UGT1A8: variants seen among roughly 807,000 people sequenced by gnomAD.
The protein encoded by UGT1A8 is UDP glucuronosyltransferase family 1 member A8.
A neutral mutation model predicts 45.3 loss-of-function variants in UGT1A8; 39 were observed. That is an observed-to-expected ratio of 0.86 (90% CI 0.67 to 1.12). UGT1A8 has a LOEUF of 1.12. Ranked by LOEUF, UGT1A8 falls within the 50% of genes most tolerant of loss-of-function variation. The probability of loss-of-function intolerance (pLI) is 0.00; values close to 1 mark genes in which losing one functional copy is unlikely to be tolerated. For missense variants in UGT1A8, 719 were observed against 664.9 expected (o/e 1.08, Z -0.90); for synonymous variants, 275 against 249.2 (o/e 1.10, Z -0.97).
chr2:233,740,931 T>C (rs1341633178), intron 1 of UGT1A8: 1 of 151,798 alleles, frequency 6.6e-6, no homozygotes, highest in Non-Finnish European at 1.5e-5. Context: ...CAAAAAGTTT[T>C]TTTTTTAATT....
rs148393670 is a variant in UGT1A8, at chr2:233,632,219, G to A, written c.855+13657G>A. On this transcript the variant is annotated intron_variant, in intron 1 of 4. Transcript: ENST00000373450. ...ATATCTGTTTGGGTACAAGTACCAT[G>A]CTGTTTTTGTTACTGTAGCCTTGTA... Among the ~76,000 whole-genome samples, 52 of 152,336 alleles carry A rather than the reference G, an allele frequency of 3.4e-4. No individual in the cohort carries two copies. In the East Asian group the frequency reaches 0.01, roughly 29 times the overall value.
chr2:233,752,761 A>G (rs1341964292), intron 1 of UGT1A8, among the ~76,000 whole-genome samples: 3 of 152,266 alleles, frequency 2.0e-5, no homozygotes, highest in African/African-American at 7.2e-5. Context: ...AAACAAACAA[A>G]CAAACAAACA....
intron 1 of UGT1A8, among the ~76,000 whole-genome samples, chr2:233,674,621 G>C (rs775720901): frequency 6.7e-6 from 1 of 149,430 alleles, no homozygotes; most frequent in African/African-American, 2.4e-5. Context: ...AACTATATAT[G>C]GTTTCATTTA....
intron 1 of UGT1A8, among the ~76,000 whole-genome samples, chr2:233,633,413 G>T (rs57185673): frequency 0.011 from 1,729 of 152,288 alleles, 43 homozygotes; most frequent in African/African-American, 0.039. Flanking sequence ...ACCTCTGGTA[G>T]AGTTCGGCTG....
chr2:233,660,737 G>A (rs973947074), intron 1 of UGT1A8, among the ~76,000 whole-genome samples: 1 of 152,044 alleles, frequency 6.6e-6, no homozygotes, highest in Non-Finnish European at 1.5e-5. Flanking sequence ...AATGTCTTTT[G>A]TGGCATTTTT....
rs750446316 is a variant in UGT1A8, at chr2:233,729,731, C to T, written c.856-37303C>T. On this transcript the variant is annotated intron_variant, in intron 1 of 4. Coordinates refer to ENST00000373450, the MANE Select transcript of UGT1A8 (RefSeq NM_019076.5). ...ATTCCTAGATTACTAACAACCAATT[C>T]AGACCACATGACATTCATGCAAAGG... The T allele has an allele frequency of 2.3e-5, 37 of 1,613,888 alleles. No homozygotes were observed. The Middle Eastern group carries it at 1.3e-3, about 57-fold the overall frequency.
chr2:233,645,711 A>G (rs1426232289), intron 1 of UGT1A8, among the ~76,000 whole-genome samples: 1 of 152,196 alleles, frequency 6.6e-6, no homozygotes, highest in African/African-American at 2.4e-5. Flanking sequence ...GTGAGTTCCC[A>G]TGGTCTTAGG....
intron 1 of UGT1A8, among the ~76,000 whole-genome samples, chr2:233,651,570 G>T (rs968728508): frequency 2.6e-5 from 4 of 152,260 alleles, no homozygotes; most frequent in Non-Finnish European, 4.4e-5. Flanking sequence ...ATCAAAGAGT[G>T]CCCTTTGACA....
chr2:233,763,382 T>G (rs1698295022), intron 1 of UGT1A8, among the ~76,000 whole-genome samples: 1 of 152,252 alleles, frequency 6.6e-6, no homozygotes, highest in South Asian at 2.1e-4. Context: ...GCTTTCTTCC[T>G]TTTTAAACAA....
intron 1 of UGT1A8, among the ~76,000 whole-genome samples, chr2:233,676,354 T>C (rs2074356881): frequency 6.6e-6 from 1 of 152,182 alleles, no homozygotes; most frequent in African/African-American, 2.4e-5. Context: ...AGAATAAATA[T>C]AGGATTATAG....
chr2:233,690,583 C>T, intron 1 of UGT1A8: 2 of 1,283,576 alleles, frequency 1.6e-6, no homozygotes, highest in Non-Finnish European at 2.0e-6. Context: ...TGCAGCAATC[C>T]CTGAGAAAAA....
At chr2:233,731,174 T>A (rs1363213399) in intron 1 of UGT1A8, among the ~76,000 whole-genome samples, 2 of 152,202 alleles carry the variant, frequency 1.3e-5, no homozygotes, top group Admixed American at 6.5e-5. Context: ...ATGATTTTTT[T>A]ATGCAATGTA....
At chr2:233,677,255 T>A (rs2074385257) in intron 1 of UGT1A8, among the ~76,000 whole-genome samples, 1 of 152,208 alleles carries the variant, frequency 6.6e-6, no homozygotes, top group African/African-American at 2.4e-5. Flanking sequence ...GTCAGATATA[T>A]CCCTAAGTAT....
intron 1 of UGT1A8, among the ~76,000 whole-genome samples, chr2:233,742,134 C>G (rs1691883024): frequency 6.6e-6 from 1 of 151,870 alleles, no homozygotes; most frequent in African/African-American, 2.4e-5. Flanking sequence ...AGACCCTAAC[C>G]CAGCAGCGCT....
In UGT1A8 at chr2:233,769,922, G is replaced by A. The variant is rs1699984157; in HGVS notation, c.1295+1483G>A. On this transcript the variant is annotated intron_variant, in intron 4 of 4. Coordinates refer to ENST00000373450, the MANE Select transcript of UGT1A8 (RefSeq NM_019076.5). The surrounding 1 kb of genome is among the most constrained non-coding windows in gnomAD (Gnocchi z 4.4). ...CATCATGTGCCCAGAGCGTTGGGTG[G>A]TGTGGTCCCATTCCTTCCTTCCAGC... 2 of 270,870 alleles carry A rather than the reference G, an allele frequency of 7.4e-6. No homozygotes were observed. The highest frequency in any genetic ancestry group is 1.5e-4 in the South Asian group (2 of 13,602). 16.8% of individuals were successfully genotyped at this position (270,870 alleles called of 1,614,324 possible). A position where few individuals can be genotyped will look rare whatever the true frequency, so the allele number is the denominator to read the frequency against.
intron 1 of UGT1A8, among the ~76,000 whole-genome samples, chr2:233,659,132 C>T (rs1248102649): frequency 6.6e-6 from 1 of 152,174 alleles, no homozygotes; most frequent in Non-Finnish European, 1.5e-5. Context: ...TAGTCTTTCA[C>T]ATCTTTGATC....
At chr2:233,729,965 A>T (rs149856651) in intron 1 of UGT1A8, 3 of 1,613,950 alleles carry the variant, frequency 1.9e-6, no homozygotes, top group Non-Finnish European at 2.5e-6. Context: ...GGGGGCATCA[A>T]CTGTGCCAAC....
At chr2:233,704,433 A>T (rs1354285522) in intron 1 of UGT1A8, among the ~76,000 whole-genome samples, 1 of 152,142 alleles carries the variant, frequency 6.6e-6, no homozygotes, top group African/African-American at 2.4e-5. Context: ...TTCCAGTTAA[A>T]TATTGAAATG....
intron 1 of UGT1A8, among the ~76,000 whole-genome samples, chr2:233,733,511 G>A (rs181008705): frequency 9.2e-5 from 14 of 152,226 alleles, no homozygotes; most frequent in Admixed American, 6.5e-4. Context: ...CCAGTTTTAG[G>A]CATGAAGGGA....
Sources: allele counts gnomAD v4.1 joint callset (sites outside exome capture counted in the v4.1 genomes callset), GRCh38; gene constraint gnomAD v4.1.1; non-coding constraint Gnocchi (gnomAD v3.1); transcripts MANE v1.5; gene names NCBI Gene and HGNC (gene_info 2026-07-23, HGNC 2026-07-21).